SLC17A5: variants seen among roughly 807,000 people sequenced by gnomAD.
The protein encoded by SLC17A5 is sialin.
In SLC17A5, 47 loss-of-function variants were observed where a neutral mutation model predicts 59.4. That is an observed-to-expected ratio of 0.79 (90% CI 0.63 to 1.01). The LOEUF (loss-of-function observed/expected upper bound fraction) is 1.01. SLC17A5 is among the 50% of genes least tolerant of loss of function. The pLI is 0.00. For synonymous variants in SLC17A5, 202 were observed against 210.7 expected (o/e 0.96, Z 0.36); for missense variants, 522 against 595.5 (o/e 0.88, Z 1.28).
At chr6:73,628,400 G>T (rs1420058086) in intron 6 of SLC17A5, among the ~76,000 whole-genome samples, 2 of 152,046 alleles carry the variant, frequency 1.3e-5, no homozygotes, top group African/African-American at 4.8e-5. Flanking sequence ...TGAAACCCTG[G>T]CTCTACTAAA....
Position 73,596,381 on chromosome 6 carries a change from T to C in SLC17A5, c.1351-1167A>G, listed in dbSNP as rs184274806. 2.0e-4 allele frequency among the ~76,000 whole-genome samples: 31 copies of C among 152,262 alleles called. No individual in the cohort carries two copies. The East Asian group carries it at 5.8e-3, about 28-fold the overall frequency. Reference sequence around the variant, plus strand: ...CAAGTATAAAAGATCTTGAATGGCATACAAAGCAGGATATAACATGGGATC... The same window carrying C: ...CAAGTATAAAAGATCTTGAATGGCACACAAAGCAGGATATAACATGGGATC... On this transcript the variant is annotated intron_variant, in intron 10 of 10. Coordinates refer to ENST00000355773, the MANE Select transcript of SLC17A5 (RefSeq NM_012434.5).
chr6:73,614,217 A>G (rs536245025), intron 8 of SLC17A5, among the ~76,000 whole-genome samples: 1 of 152,250 alleles, frequency 6.6e-6, no homozygotes, highest in South Asian at 2.1e-4. Context: ...CAGTGAGTCA[A>G]GATCATGCCA....
chr6:73,600,762 A>T (rs1425183994), intron 9 of SLC17A5, among the ~76,000 whole-genome samples: 1 of 151,994 alleles, frequency 6.6e-6, no homozygotes, highest in Non-Finnish European at 1.5e-5. Context: ...CGGCCTCCCA[A>T]AGTGCTGGGA....
chr6:73,626,470 A>G (rs1358992766), intron 6 of SLC17A5, among the ~76,000 whole-genome samples: 4 of 152,230 alleles, frequency 2.6e-5, no homozygotes, highest in Non-Finnish European at 5.9e-5. Context: ...ATTACAAGTT[A>G]TATTTCAGGG....
intron 1 of SLC17A5, chr6:73,653,582 CG>C (rs1187095170): frequency 1.3e-6 from 1 of 778,304 alleles, no homozygotes; most frequent in South Asian, 5.9e-5. Flanking sequence ...ATCACGGTCG[CG>C]GCCCCCGGGG....
At chr6:73,644,366 T>C (rs768250171) in intron 2 of SLC17A5, 41 bp downstream of exon 2, 17 of 1,482,444 alleles carry the variant, frequency 1.1e-5, no homozygotes, top group Non-Finnish European at 1.6e-5. Context: ...TGCAAGTATT[T>C]TAGGATAATT....
At chr6:73,601,075 C>T (rs1476580516) in intron 9 of SLC17A5, among the ~76,000 whole-genome samples, 6 of 148,474 alleles carry the variant, frequency 4.0e-5, no homozygotes, top group South Asian at 4.3e-4. Flanking sequence ...TCTGCCCGGC[C>T]GCCATCCCAT....
intron 7 of SLC17A5, among the ~76,000 whole-genome samples, chr6:73,618,946 C>T (rs922358422): frequency 6.6e-6 from 1 of 152,054 alleles, no homozygotes; most frequent in Non-Finnish European, 1.5e-5. Flanking sequence ...AGGCTGGTCT[C>T]GAACTCTTGA....
intron 5 of SLC17A5, 62 bp from the exon 6 acceptor site, chr6:73,635,562 A>C: frequency 1.2e-6 from 1 of 826,998 alleles, no homozygotes; most frequent in Non-Finnish European, 1.9e-6. Flanking sequence ...AACAAAACAA[A>C]ACAAAAACAC....
chr6:73,653,672 G>A, intron 1 of SLC17A5, 121 bp downstream of exon 1: 1 of 1,106,184 alleles, frequency 9.0e-7, no homozygotes, highest in Non-Finnish European at 1.3e-6. Flanking sequence ...ATGTCCCCTC[G>A]CGCCTGAGCA....
In SLC17A5 at chr6:73,621,814, T is replaced by C. The variant is rs768647620; in HGVS notation, c.968A>G (p.Asn323Ser). ...ATTATTTTTTCTTACCTCTTGAACA[T>C]TGAACCTTAGGATCTCCTTCATATA... The part of the protein sequence containing the change: ...PTYMKEILRF[N>S]VQENGFLSSL... Residue 323 changes from asparagine to serine, a missense_variant, in exon 7 of 11, where the codon AAT becomes AGT. Transcript: ENST00000355773. 9.3e-6 allele frequency: 15 copies of C among 1,608,042 alleles called. No individual in the cohort carries two copies. Among genetic ancestry groups the C allele is most frequent in the South Asian group, 4.4e-5 (4 of 90,928 alleles).
intron 9 of SLC17A5, among the ~76,000 whole-genome samples, chr6:73,601,458 G>A (rs1442353899): frequency 1.5e-5 from 2 of 130,720 alleles, no homozygotes; most frequent in Admixed American, 1.5e-4. Flanking sequence ...CCGGGAGGGA[G>A]GTGGGGGGGT....
chr6:73,628,227 T>G (rs963955544), intron 6 of SLC17A5, among the ~76,000 whole-genome samples: 3 of 152,096 alleles, frequency 2.0e-5, no homozygotes, highest in East Asian at 1.9e-4. Context: ...TCCTGAAAGT[T>G]CCTATTAGAG....
Position 73,636,630 on chromosome 6 carries a change from A to T in SLC17A5, c.691T>A (p.Tyr231Asn). The change falls in exon 5 of 11, where the codon TAC becomes AAC. Residue 231 changes from tyrosine (Y) to asparagine (N), a missense_variant. Coordinates refer to ENST00000355773, the MANE Select transcript of SLC17A5 (RefSeq NM_012434.5). Reference protein sequence around the residue: ...CYYMNWTYVFYFFGTIGIFWF... With the variant: ...CYYMNWTYVFNFFGTIGIFWF... ...AAAATTTTAAACTTACCAAAAAAGT[A>T]GAAGACATAAGTCCAATTCATATAG... The T allele has an allele frequency of 6.3e-7, 1 of 1,583,822 alleles. No homozygotes were observed. The highest frequency in any genetic ancestry group is 2.2e-5 in the East Asian group (1 of 44,716).
At chr6:73,640,550 C>T (rs1022976538) in intron 3 of SLC17A5, among the ~76,000 whole-genome samples, 4 of 152,166 alleles carry the variant, frequency 2.6e-5, no homozygotes, top group Non-Finnish European at 5.9e-5. Flanking sequence ...AAACTCTGGT[C>T]CAGTGTTCAT....
At chr6:73,643,984 A>G (rs1026121063) in intron 2 of SLC17A5, among the ~76,000 whole-genome samples, 2 of 152,174 alleles carry the variant, frequency 1.3e-5, no homozygotes, top group African/African-American at 4.8e-5. Flanking sequence ...GTCCTAAGAA[A>G]CTGGCCAGTT....
rs959974544 is a variant in SLC17A5, at chr6:73,594,893, T to C, written c.*184A>G. The C allele has an allele frequency of 1.4e-5, 9 of 665,708 alleles. No individual in the cohort carries two copies. Among genetic ancestry groups the C allele is most frequent in the Non-Finnish European group, 2.3e-5 (9 of 393,552 alleles). The allele number at this position is 665,708 out of a possible 1,614,324, so 41.2% of individuals were successfully genotyped here. On this transcript the variant is annotated 3_prime_UTR_variant, in exon 11 of 11. Coordinates refer to ENST00000355773, the MANE Select transcript of SLC17A5 (RefSeq NM_012434.5). ...GAAGTCCTAGCTTACATATTATTCA[T>C]AATTAAACACAGTTCATTTTATTAT...
At chr6:73,651,676 G>A (rs1037944001) in intron 1 of SLC17A5, among the ~76,000 whole-genome samples, 1 of 151,358 alleles carries the variant, frequency 6.6e-6, no homozygotes, top group Non-Finnish European at 1.5e-5. Flanking sequence ...CCGAATAGCT[G>A]GGACTACAGG....
rs532018079 is a variant in SLC17A5, at chr6:73,624,995, A to G, written c.820-3033T>C. Among the ~76,000 whole-genome samples, 6 of 152,280 alleles carry G rather than the reference A, an allele frequency of 3.9e-5. No individual in the cohort carries two copies. The East Asian group carries it at 9.6e-4, about 24-fold the overall frequency. ...AGGGCATCAGATTTTTATATTTTCT[A>G]TACGCTAAGACTGTTGTTTTTCTCA... On this transcript the variant is annotated intron_variant, in intron 6 of 10. Transcript: ENST00000355773.
Sources: gnomAD v4.1 joint callset for allele counts (sites outside exome capture counted in the v4.1 genomes callset) on GRCh38, gnomAD v4.1.1 for gene constraint, MANE v1.5 for transcripts, NCBI Gene and HGNC (gene_info 2026-07-23, HGNC 2026-07-21) for gene names.